Variants in FBXL17 observed in about 807,000 individuals in gnomAD.
FBXL17 encodes the protein F-box/LRR-repeat protein 17.
A neutral mutation model predicts 66.2 loss-of-function variants in FBXL17; 22 were observed. The observed-to-expected ratio is 0.33, with a 90% CI of 0.24 to 0.47. The LOEUF (loss-of-function observed/expected upper bound fraction) is 0.47. Ranked by LOEUF, FBXL17 falls within the 20% of genes least tolerant of loss-of-function variation. FBXL17 has a pLI of 1.00. For synonymous variants in FBXL17, 474 were observed against 400.5 expected (o/e 1.18, Z -2.19); for missense variants, 878 against 948.2 (o/e 0.93, Z 0.97).
chr5:108,355,018 A>G (rs1286616886), intron 3 of FBXL17, among the ~76,000 whole-genome samples: 2 of 152,086 alleles, frequency 1.3e-5, no homozygotes, highest in Admixed American at 1.3e-4. Context: ...AGAAACGATA[A>G]AAGAAGTTTT....
chr5:108,191,048 A>C (rs1306213102), intron 5 of FBXL17, among the ~76,000 whole-genome samples: 1 of 152,222 alleles, frequency 6.6e-6, no homozygotes, highest in Non-Finnish European at 1.5e-5. Flanking sequence ...AAATACTTTG[A>C]CATATGACTC....
chr5:108,354,957 C>T (rs1747882482), intron 3 of FBXL17, among the ~76,000 whole-genome samples: 1 of 151,874 alleles, frequency 6.6e-6, no homozygotes, highest in Non-Finnish European at 1.5e-5. Flanking sequence ...GAAATAAAGA[C>T]TTTGTCTAAC....
intron 5 of FBXL17, among the ~76,000 whole-genome samples, chr5:108,217,709 A>C (rs1754668744): frequency 6.6e-6 from 1 of 152,182 alleles, no homozygotes; most frequent in African/African-American, 2.4e-5. Context: ...GATGTACTAT[A>C]GATCTCTTGA....
Position 108,071,951 on chromosome 5 carries a change from T to C in FBXL17, c.1746-50950A>G, listed in dbSNP as rs187785331. On this transcript the variant is annotated intron_variant, in intron 6 of 8. Transcript: ENST00000542267. ...TCTAATATGCCAAATAATTCCTTCATGAAACTGTCTTCTCTGCAGCATCAG... is the reference window on the plus strand; with the variant it reads ...TCTAATATGCCAAATAATTCCTTCACGAAACTGTCTTCTCTGCAGCATCAG... Among the ~76,000 whole-genome samples, 458 of 152,282 alleles carry C rather than the reference T, an allele frequency of 3.0e-3. 3 individuals carry two copies. The highest frequency in any genetic ancestry group is 0.01 in the African/African-American group (433 of 41,578).
chr5:108,326,104 G>C (rs891673334), intron 4 of FBXL17, among the ~76,000 whole-genome samples: 11 of 151,976 alleles, frequency 7.2e-5, no homozygotes, highest in African/African-American at 2.7e-4. Context: ...TTTTAGACAA[G>C]ACCCAAAAGC....
chr5:108,055,826 A>G (rs1032765821), intron 6 of FBXL17, among the ~76,000 whole-genome samples: 8 of 151,968 alleles, frequency 5.3e-5, no homozygotes, highest in Non-Finnish European at 1.0e-4. Context: ...TTTCAAGTGC[A>G]CTTCCTAGTT....
rs189057880 is a variant in FBXL17, at chr5:108,107,194, C to T, written c.1745+78923G>A. On this transcript the variant is annotated intron_variant, in intron 6 of 8. Coordinates refer to ENST00000542267, the MANE Select transcript of FBXL17 (RefSeq NM_001163315.3). ...TCAAGCGATTCTCCTGCCTCAGCCT[C>T]CCGAGTAGCTGGGATTACAGGCATG... is the stretch of plus-strand genomic sequence containing the variant. Among the ~76,000 whole-genome samples, 459 of 152,174 alleles carry T rather than the reference C, an allele frequency of 3.0e-3. 1 individual carries two copies. The highest frequency in any genetic ancestry group is 0.011 in the African/African-American group (442 of 41,520).
chr5:108,173,146 A>T (rs1475739660), intron 6 of FBXL17, among the ~76,000 whole-genome samples: 2 of 152,186 alleles, frequency 1.3e-5, no homozygotes, highest in African/African-American at 4.8e-5. Flanking sequence ...TAGCATCACC[A>T]AGAAATCTAG....
intron 7 of FBXL17, among the ~76,000 whole-genome samples, chr5:107,999,305 A>G (rs1231799622): frequency 6.6e-6 from 1 of 152,122 alleles, no homozygotes; most frequent in African/African-American, 2.4e-5. Flanking sequence ...TGAGAGCATT[A>G]TGCCTTTTAC....
chr5:108,064,415 T>C (rs1748038704), intron 6 of FBXL17, among the ~76,000 whole-genome samples: 1 of 152,036 alleles, frequency 6.6e-6, no homozygotes, highest in African/African-American at 2.4e-5. Flanking sequence ...GGGGAGACCA[T>C]GATGAGTGGT....
chr5:107,892,623 A>G lies in FBXL17; in HGVS notation c.1823-11444T>C, dbSNP rs117178130. Among the ~76,000 whole-genome samples the G allele has an allele frequency of 1.1e-3, 172 of 152,264 alleles. 1 individual carries two copies. The East Asian group carries it at 0.026, about 23-fold the overall frequency. ...TCTAATCCAGTGCTCCCCAAGGCAA[A>G]CAAAGCTATTTACTGGTGCCAAAAT... On this transcript the variant is annotated intron_variant, in intron 7 of 8. Transcript: ENST00000542267.
chr5:108,048,547 C>T (rs2112817483), intron 6 of FBXL17, among the ~76,000 whole-genome samples: 1 of 152,262 alleles, frequency 6.6e-6, no homozygotes, highest in Admixed American at 6.5e-5. Flanking sequence ...TGCAAAGGAG[C>T]TAAGAACCTT....
At chr5:108,011,629 C>A (rs1470324885) in intron 7 of FBXL17, among the ~76,000 whole-genome samples, 1 of 151,916 alleles carries the variant, frequency 6.6e-6, no homozygotes. Flanking sequence ...CATTGTGAAA[C>A]CCTGTCTCTA....
intron 4 of FBXL17, among the ~76,000 whole-genome samples, chr5:108,225,005 G>C (rs912011918): frequency 6.6e-6 from 1 of 151,864 alleles, no homozygotes; most frequent in African/African-American, 2.4e-5. Context: ...CAGTATATTC[G>C]CAAGTTTATG....
intron 4 of FBXL17, chr5:108,299,492 A>G: frequency 1.1e-6 from 1 of 935,896 alleles, no homozygotes; most frequent in Non-Finnish European, 1.3e-6. Context: ...AAGTTATTGA[A>G]TAAGGAAAGA....
chr5:108,011,601 C>T (rs1292403941), intron 7 of FBXL17, among the ~76,000 whole-genome samples: 5 of 151,802 alleles, frequency 3.3e-5, no homozygotes, highest in African/African-American at 1.2e-4. Context: ...GTCAGAAGTT[C>T]GAGACCAGCC....
intron 4 of FBXL17, among the ~76,000 whole-genome samples, chr5:108,251,299 G>A (rs1187390779): frequency 6.6e-6 from 1 of 151,938 alleles, no homozygotes; most frequent in Non-Finnish European, 1.5e-5. Flanking sequence ...CCTCAATGAG[G>A]TTTTTGCTTG....
chr5:108,355,719 A>G (rs1580878167), intron 3 of FBXL17, among the ~76,000 whole-genome samples: 2 of 152,236 alleles, frequency 1.3e-5, no homozygotes, highest in African/African-American at 4.8e-5. Flanking sequence ...TAAAAGAAAA[A>G]AAACCAACTA....
intron 5 of FBXL17, among the ~76,000 whole-genome samples, chr5:108,193,250 G>C (rs34414): frequency 0.17 from 26,332 of 152,018 alleles, 2,339 homozygotes; most frequent in South Asian, 0.32. Flanking sequence ...CTGTCAGGCT[G>C]TCAAGATGGA....
Sources: gnomAD v4.1 joint callset for allele counts (sites outside exome capture counted in the v4.1 genomes callset) on GRCh38, gnomAD v4.1.1 for gene constraint, MANE v1.5 for transcripts, NCBI Gene and HGNC (gene_info 2026-07-23, HGNC 2026-07-21) for gene names.